Variants in ELAPOR1 observed in about 807,000 individuals in gnomAD.
The protein encoded by ELAPOR1 is endosome-lysosome associated apoptosis and autophagy regulator 1.
ELAPOR1 carries 77 observed loss-of-function variants against 119.7 expected under a neutral mutation model. The observed-to-expected ratio is 0.64, with a 90% CI of 0.54 to 0.78. The LOEUF is 0.78. Ranked by LOEUF, ELAPOR1 falls within the 30% of genes least tolerant of loss-of-function variation. The pLI, the probability that ELAPOR1 is intolerant of heterozygous loss-of-function variation, is 0.00. For missense variants in ELAPOR1, 1,115 were observed against 1,270.4 expected (o/e 0.88, Z 1.86); for synonymous variants, 481 against 487.2 (o/e 0.99, Z 0.17).
At chr1:109,134,469 GA>G (rs1649336877) in intron 1 of ELAPOR1, among the ~76,000 whole-genome samples, 1 of 152,014 alleles carries the variant, frequency 6.6e-6, no homozygotes. Context: ...AGACCCCCAA[GA>G]AGAAAAGTAG....
intron 1 of ELAPOR1, among the ~76,000 whole-genome samples, chr1:109,148,784 C>T (rs568425116): frequency 3.3e-5 from 5 of 152,280 alleles, no homozygotes; most frequent in Non-Finnish European, 5.9e-5. Context: ...TTTAATAGAA[C>T]ATTTTGGTCT....
At chr1:109,179,672 G>A (rs2101079750) in intron 7 of ELAPOR1, among the ~76,000 whole-genome samples, 1 of 152,188 alleles carries the variant, frequency 6.6e-6, no homozygotes, top group African/African-American at 2.4e-5. Flanking sequence ...TTGGGAGGCT[G>A]AGGCAGGTGG....
At chr1:109,199,487 C>T (rs1470377348) in intron 18 of ELAPOR1, among the ~76,000 whole-genome samples, 2 of 152,166 alleles carry the variant, frequency 1.3e-5, no homozygotes, top group Non-Finnish European at 2.9e-5. Flanking sequence ...CCAATCCCAC[C>T]CCGAGGAAGC....
rs1272710469 is a variant in ELAPOR1, at chr1:109,206,764, TA to T, written c.*3757del. On this transcript the variant is annotated 3_prime_UTR_variant, in exon 22 of 22. Coordinates refer to ENST00000369939, the MANE Select transcript of ELAPOR1 (RefSeq NM_020775.5). ...CATGTCACTTTTTTTTTTTGTAAAATAAAAACATACCTTACAAGTTGTTTTT... is the reference window on the plus strand; with the variant it reads ...CATGTCACTTTTTTTTTTTGTAAAATAAAACATACCTTACAAGTTGTTTTT... 6.6e-6 allele frequency: 1 copy of T among 152,072 alleles called. No individual in the cohort carries two copies. The highest frequency in any genetic ancestry group is 6.6e-5 in the Admixed American group (1 of 15,236). 9.4% of individuals were successfully genotyped at this position (152,072 alleles called of 1,614,324 possible).
At chr1:109,184,099 C>T (rs999707502) in intron 7 of ELAPOR1, among the ~76,000 whole-genome samples, 20 of 152,128 alleles carry the variant, frequency 1.3e-4, no homozygotes, top group South Asian at 6.2e-4. Flanking sequence ...AGGCCGGGCA[C>T]GGTGGCTCAC....
In ELAPOR1 at chr1:109,172,032, T is replaced by G; in HGVS notation, c.615+19T>G. ...GTTTTTCGTAAGCCCCTGGCCAAGG[T>G]GGAGGGTGGGAGCTAAAAAGCCTCT... On this transcript the variant is annotated intron_variant, in intron 4 of 21. Transcript: ENST00000369939. The G allele has an allele frequency of 6.2e-7, 1 of 1,613,992 alleles. No individual in the cohort carries two copies. Among genetic ancestry groups the G allele is most frequent in the East Asian group, 2.2e-5 (1 of 44,874 alleles).
At chr1:109,176,920 G>C (rs1309620567) in intron 7 of ELAPOR1, among the ~76,000 whole-genome samples, 1 of 145,622 alleles carries the variant, frequency 6.9e-6, no homozygotes, top group Non-Finnish European at 1.5e-5. Context: ...ACAGGGTTGG[G>C]GGTAAGGTCA....
intron 11 of ELAPOR1, 35 bp from the exon 12 acceptor site, chr1:109,191,331 C>T: frequency 6.8e-7 from 1 of 1,474,946 alleles, no homozygotes; most frequent in Non-Finnish European, 9.5e-7. Flanking sequence ...CACTGCCTGG[C>T]CTTTAGAACT....
In ELAPOR1 at chr1:109,137,824, G is replaced by A. The variant is rs182458341; in HGVS notation, c.153+23488G>A. 2.9e-3 allele frequency among the ~76,000 whole-genome samples: 438 copies of A among 152,280 alleles called. 7 individuals are homozygous for A. The highest frequency in any genetic ancestry group is 5.2e-3 in the South Asian group (25 of 4,824). ...ATTACAGGCGTGAGCCACCGCGCCC[G>A]GCCTAAATTTATTTATTTTTTAACA... is the stretch of plus-strand genomic sequence containing the variant. On this transcript the variant is annotated intron_variant, in intron 1 of 21. Transcript: ENST00000369939.
intron 18 of ELAPOR1, among the ~76,000 whole-genome samples, chr1:109,199,438 AT>A (rs1428154872): frequency 2.0e-5 from 3 of 152,190 alleles, no homozygotes; most frequent in African/African-American, 7.2e-5. Context: ...CATAACAGGT[AT>A]CCATACCGGA....
At chr1:109,129,518 A>AT (rs1245636046) in intron 1 of ELAPOR1, among the ~76,000 whole-genome samples, 1 of 152,232 alleles carries the variant, frequency 6.6e-6, no homozygotes, top group Non-Finnish European at 1.5e-5. Flanking sequence ...TCTCAAAAAA[A>AT]CCAACGAAAC....
intron 1 of ELAPOR1, among the ~76,000 whole-genome samples, chr1:109,141,742 T>G (rs1011715681): frequency 1.3e-5 from 2 of 151,570 alleles, no homozygotes; most frequent in African/African-American, 4.8e-5. Context: ...CATGGCTCAC[T>G]GCAGCCCTGA....
intron 1 of ELAPOR1, among the ~76,000 whole-genome samples, chr1:109,143,166 T>C (rs1570632728): frequency 6.6e-6 from 1 of 152,184 alleles, no homozygotes; most frequent in Non-Finnish European, 1.5e-5. Flanking sequence ...GCCAGGCTGG[T>C]CTCGAAGTCC....
intron 3 of ELAPOR1, among the ~76,000 whole-genome samples, chr1:109,165,334 C>T (rs1001872605): frequency 6.6e-6 from 1 of 152,142 alleles, no homozygotes; most frequent in African/African-American, 2.4e-5. Context: ...CGCCTGTAAT[C>T]CCAGCACTCT....
intron 1 of ELAPOR1, among the ~76,000 whole-genome samples, chr1:109,126,417 A>G (rs1200175687): frequency 6.6e-6 from 1 of 152,208 alleles, no homozygotes; most frequent in Admixed American, 6.5e-5. Flanking sequence ...GGAAAGTACA[A>G]GTAAAGAAAA....
chr1:109,136,824 A>G (rs1027126266), intron 1 of ELAPOR1, among the ~76,000 whole-genome samples: 2 of 152,246 alleles, frequency 1.3e-5, no homozygotes, highest in Non-Finnish European at 2.9e-5. Context: ...GTCTGTTTGC[A>G]GGCAAAGCAC....
rs765980713 is a variant in ELAPOR1 at position 109,161,959 on chromosome 1, G to A, written c.219G>A (p.Pro73=). Residue 73 remains proline (P), a synonymous_variant, in exon 2 of 22, where the codon CCG becomes CCA. Coordinates refer to ENST00000369939, the MANE Select transcript of ELAPOR1 (RefSeq NM_020775.5). ...GTTCCAGGTGGAGGGTCGCCGTGCC[G>A]CATACCCCGGGCCTGTGCACCAGCC... ...STGSRWRVAV[P]HTPGLCTSLP... 2.7e-5 allele frequency: 44 copies of A among 1,613,814 alleles called. No homozygotes were observed. Among genetic ancestry groups the A allele is most frequent in the East Asian group, 6.7e-5 (3 of 44,888 alleles).
At chr1:109,202,878 T>G (rs1557706421) in intron 21 of ELAPOR1, 66 bp from the exon 22 acceptor site, 18 of 1,489,104 alleles carry the variant, frequency 1.2e-5, no homozygotes, top group Non-Finnish European at 1.4e-5. Context: ...TATTTTCCAT[T>G]TCTCTCCTTT....
Position 109,164,699 on chromosome 1 carries a change from T to C in ELAPOR1, c.467+8T>C, listed in dbSNP as rs555940251. 6.2e-5 allele frequency: 100 copies of C among 1,607,218 alleles called. No individual in the cohort carries two copies. The highest frequency in any genetic ancestry group is 3.4e-4 in the Middle Eastern group (2 of 5,898). ...CACCGGGAACTGTACTTCGTGAGTC[T>C]GCACACACCCCCACCCCACCCCCAG... On this transcript the variant is annotated splice_region_variant and intron_variant, in intron 3 of 21. Transcript: ENST00000369939.
Sources: gnomAD v4.1 joint callset for allele counts (sites outside exome capture counted in the v4.1 genomes callset) on GRCh38, gnomAD v4.1.1 for gene constraint, MANE v1.5 for transcripts, NCBI Gene and HGNC (gene_info 2026-07-23, HGNC 2026-07-21) for gene names.